CAAP1: variants seen among roughly 807,000 people sequenced by gnomAD.
The protein encoded by CAAP1 is caspase activity and apoptosis inhibitor 1.
Under a neutral mutation model 34.0 loss-of-function variants are expected in CAAP1, and 20 were observed. The ratio of observed to expected loss-of-function variants is 0.59; its 90% CI spans 0.41 to 0.86. The LOEUF (loss-of-function observed/expected upper bound fraction) is 0.86, where lower values mean the gene tolerates loss of function less well. Among genes scored for constraint, CAAP1 ranks in the 40% least tolerant of loss-of-function variants. The pLI is 0.00. For synonymous variants in CAAP1, 213 were observed against 166.7 expected, an observed-to-expected ratio of 1.28 and a Z score of -2.14; for missense variants, 538 against 450.5, an observed-to-expected ratio of 1.19 and a Z score of -1.76.
At chr9:26,860,650 G>T (rs1254635816) in intron 5 of CAAP1, among the ~76,000 whole-genome samples, 1 of 152,102 alleles carries the variant, frequency 6.6e-6, no homozygotes, top group Admixed American at 6.6e-5. Context: ...ACATTAGCTG[G>T]GCGTGGAGGT....
rs191377553 is a variant in CAAP1, at chr9:26,875,520, C to G, written c.665+9290G>C. The stretch of plus-strand genomic sequence containing the variant: ...TTTTAATAACACAGATTGCTTTAAT[C>G]TAGACATATTTGAAATTATTTTTCT... On this transcript the variant is annotated intron_variant, in intron 4 of 5. Coordinates refer to ENST00000333916, the MANE Select transcript of CAAP1 (RefSeq NM_024828.4). Among the ~76,000 whole-genome samples the G allele has an allele frequency of 2.0e-5, 3 of 152,304 alleles. No individual in the cohort carries two copies. The East Asian group carries it at 5.8e-4, about 29-fold the overall frequency.
At chr9:26,861,160 C>T in intron 4 of CAAP1, 21 bp from the exon 5 acceptor site, 1 of 1,545,386 alleles carries the variant, frequency 6.5e-7, no homozygotes, top group Non-Finnish European at 8.9e-7. Flanking sequence ...AAAATAAGAT[C>T]AACCTTTAAA....
intron 4 of CAAP1, among the ~76,000 whole-genome samples, chr9:26,879,726 T>C (rs924143416): frequency 1.3e-5 from 2 of 152,232 alleles, no homozygotes; most frequent in Admixed American, 6.5e-5. Context: ...CTTTCTCCCA[T>C]GCTGGATGCC....
intron 1 of CAAP1, among the ~76,000 whole-genome samples, chr9:26,890,973 C>T (rs1027179864): frequency 6.6e-6 from 1 of 152,046 alleles, no homozygotes; most frequent in African/African-American, 2.4e-5. Context: ...GAAACACATA[C>T]ATGAAAGTAA....
chr9:26,846,287 G>A (rs1039589990), intron 5 of CAAP1, among the ~76,000 whole-genome samples: 3 of 151,554 alleles, frequency 2.0e-5, no homozygotes, highest in Admixed American at 6.6e-5. Context: ...CGTGGTGGCG[G>A]GTGCCTGTAA....
At chr9:26,869,879 A>AT (rs1823232330) in intron 4 of CAAP1, 1 of 821,682 alleles carries the variant, frequency 1.2e-6, no homozygotes, top group African/African-American at 1.8e-5. Flanking sequence ...AGAAACTTCA[A>AT]TTTTTTAAAA....
At chr9:26,860,182 T>A (rs1188278313) in intron 5 of CAAP1, among the ~76,000 whole-genome samples, 1 of 152,214 alleles carries the variant, frequency 6.6e-6, no homozygotes, top group East Asian at 1.9e-4. Context: ...GGCATTTGAG[T>A]AACTAATAAA....
At position 26,856,981 on chromosome 9, in the gene CAAP1, TTAAA is replaced by T. The variant is rs564959834; in HGVS notation, c.739+4081_739+4084del. ...CAACTGTAAACTTTAAAGCAACAATTTAAATACAGACCAATATTTTACTATTGCT... is the reference window on the plus strand; with the variant it reads ...CAACTGTAAACTTTAAAGCAACAATTTACAGACCAATATTTTACTATTGCT... On this transcript the variant is annotated intron_variant, in intron 5 of 5. Coordinates refer to ENST00000333916, the MANE Select transcript of CAAP1 (RefSeq NM_024828.4). Among the ~76,000 whole-genome samples, 19 of 152,302 alleles carry T rather than the reference TTAAA, an allele frequency of 1.2e-4. No individual in the cohort carries two copies. In the South Asian group the frequency reaches 3.9e-3, roughly 32 times the overall value.
At chr9:26,888,845 T>G (rs981749132) in intron 1 of CAAP1, among the ~76,000 whole-genome samples, 1 of 152,194 alleles carries the variant, frequency 6.6e-6, no homozygotes, top group African/African-American at 2.4e-5. Context: ...ACAACACAAA[T>G]GCCCATCAAG....
At chr9:26,857,468 C>A (rs907220759) in intron 5 of CAAP1, among the ~76,000 whole-genome samples, 11 of 152,140 alleles carry the variant, frequency 7.2e-5, no homozygotes, top group Non-Finnish European at 1.3e-4. Context: ...CCCATCTCTA[C>A]TAAAAATACA....
chr9:26,848,415 C>T (rs1371245944), intron 5 of CAAP1, among the ~76,000 whole-genome samples: 1 of 152,146 alleles, frequency 6.6e-6, no homozygotes, highest in African/African-American at 2.4e-5. Context: ...ACTCAGGAGG[C>T]TGAGGCAGGA....
chr9:26,891,163 A>G (rs1295115760), intron 1 of CAAP1, among the ~76,000 whole-genome samples: 2 of 152,234 alleles, frequency 1.3e-5, no homozygotes, highest in Non-Finnish European at 2.9e-5. Context: ...AAATCTCTAC[A>G]TAAACTGTTT....
At chr9:26,885,492 T>C (rs1384230485) in intron 3 of CAAP1, among the ~76,000 whole-genome samples, 1 of 152,170 alleles carries the variant, frequency 6.6e-6, no homozygotes, top group Non-Finnish European at 1.5e-5. Flanking sequence ...ATGCCATCAA[T>C]TTTACATTTA....
intron 4 of CAAP1, among the ~76,000 whole-genome samples, chr9:26,872,134 A>G (rs981787455): frequency 1.3e-5 from 2 of 152,208 alleles, no homozygotes; most frequent in Non-Finnish European, 2.9e-5. Context: ...ACTGCTCTCA[A>G]TAAGACAACT....
rs1025044472 is a variant in CAAP1, at chr9:26,841,037, A to G, written c.*1264T>C. 9.2e-5 allele frequency: 14 copies of G among 152,104 alleles called. No homozygotes were observed. The highest frequency in any genetic ancestry group is 3.4e-4 in the African/African-American group (14 of 41,398). The allele number at this position is 152,104 out of a possible 1,614,324, so 9.4% of individuals were successfully genotyped here. ...GCATGTTCAGGAACAACAACAACAAAAAGAATTTGTAACTGCAATTCCAGC... is the reference window on the plus strand; with the variant it reads ...GCATGTTCAGGAACAACAACAACAAGAAGAATTTGTAACTGCAATTCCAGC... On this transcript the variant is annotated 3_prime_UTR_variant, in exon 6 of 6. Coordinates refer to ENST00000333916, the MANE Select transcript of CAAP1 (RefSeq NM_024828.4).
At chr9:26,873,276 T>C (rs1823325332) in intron 4 of CAAP1, among the ~76,000 whole-genome samples, 1 of 152,180 alleles carries the variant, frequency 6.6e-6, no homozygotes, top group Non-Finnish European at 1.5e-5. Flanking sequence ...TTTTAACTTA[T>C]TTTGAGAACT....
At chr9:26,879,722 C>T (rs541480455) in intron 4 of CAAP1, among the ~76,000 whole-genome samples, 1 of 152,292 alleles carries the variant, frequency 6.6e-6, no homozygotes, top group East Asian at 1.9e-4. Context: ...TCATCTTTCT[C>T]CCATGCTGGA....
chr9:26,891,584 C>A (rs971974522), intron 1 of CAAP1, among the ~76,000 whole-genome samples: 1 of 152,016 alleles, frequency 6.6e-6, no homozygotes. Flanking sequence ...TACAAAAAAA[C>A]CTGCACACCC....
chr9:26,854,849 T>C (rs1036432511), intron 5 of CAAP1, among the ~76,000 whole-genome samples: 2 of 152,236 alleles, frequency 1.3e-5, no homozygotes, highest in Non-Finnish European at 2.9e-5. Context: ...AGATTACTTA[T>C]ATGCCTATTA....
Sources: gnomAD v4.1 joint callset for allele counts (sites outside exome capture counted in the v4.1 genomes callset) on GRCh38, gnomAD v4.1.1 for gene constraint, MANE v1.5 for transcripts, NCBI Gene and HGNC (gene_info 2026-07-23, HGNC 2026-07-21) for gene names.